Variants in CEP350 observed in about 807,000 individuals in gnomAD.
CEP350 encodes the protein centrosome-associated protein 350.
A neutral mutation model predicts 331.8 loss-of-function variants in CEP350; 126 were observed. The observed-to-expected ratio is 0.38, with a 90% CI of 0.33 to 0.44. CEP350 has a LOEUF of 0.44. CEP350 is among the 20% of genes least tolerant of loss of function. The probability of loss-of-function intolerance (pLI) is 1.00; values close to 1 mark genes in which losing one functional copy is unlikely to be tolerated. For missense variants in CEP350, 3,406 were observed against 3,634.6 expected, an observed-to-expected ratio of 0.94 and a Z score of 1.62; for synonymous variants, 1,200 against 1,259.5, an observed-to-expected ratio of 0.95 and a Z score of 1.00.
intron 17 of CEP350, among the ~76,000 whole-genome samples, chr1:180,037,860 A>G (rs1361994059): frequency 1.3e-5 from 2 of 152,130 alleles, no homozygotes; most frequent in Non-Finnish European, 2.9e-5. Flanking sequence ...CATGTTAGCC[A>G]GGATGGTCTC....
chr1:180,081,135 T>G (rs1275561409), intron 30 of CEP350, among the ~76,000 whole-genome samples: 2 of 152,326 alleles, frequency 1.3e-5, no homozygotes, highest in South Asian at 2.1e-4. Context: ...CCCAAAGTGC[T>G]GGGATTACAG....
rs138106522 is a variant in CEP350 at position 180,040,474 on chromosome 1, G to T, written c.4111-664G>T. ...TTCTAATTAAAAAAAAAATAGAGGT[G>T]GGGGGGTCTCACTCTGTTGACCAGG... On this transcript the variant is annotated intron_variant, in intron 17 of 37. Coordinates refer to ENST00000367607, the MANE Select transcript of CEP350 (RefSeq NM_014810.5). Among the ~76,000 whole-genome samples, 684 of 151,562 alleles carry T rather than the reference G, an allele frequency of 4.5e-3. 6 individuals are homozygous for T. The highest frequency in any genetic ancestry group is 0.016 in the African/African-American group (645 of 41,272).
chr1:180,091,937 A>G (rs967228766), intron 33 of CEP350, among the ~76,000 whole-genome samples: 18 of 151,968 alleles, frequency 1.2e-4, no homozygotes, highest in African/African-American at 4.3e-4. Flanking sequence ...CTATAATCCC[A>G]GGTACTTAGG....
Position 179,965,755 on chromosome 1 carries a change from G to A in CEP350, c.-14+10613G>A, listed in dbSNP as rs367649633. Among the ~76,000 whole-genome samples the A allele has an allele frequency of 1.2e-3, 183 of 151,274 alleles. 4 individuals are homozygous for A. In the South Asian group the frequency reaches 0.036, roughly 30 times the overall value. On this transcript the variant is annotated intron_variant, in intron 1 of 37. Transcript: ENST00000367607. ...CCTGTCTCAGCCTATTGAATAGCTGGGATTACAGGTGCCCGCCACCACACC... is the reference window on the plus strand; with the variant it reads ...CCTGTCTCAGCCTATTGAATAGCTGAGATTACAGGTGCCCGCCACCACACC...
intron 27 of CEP350, among the ~76,000 whole-genome samples, chr1:180,071,149 A>G (rs1658860633): frequency 6.9e-6 from 1 of 145,532 alleles, no homozygotes; most frequent in Non-Finnish European, 1.5e-5. Flanking sequence ...TCCATCTCAA[A>G]AAAAAAAAAA....
chr1:180,031,452 A>T lies in CEP350; in HGVS notation c.3683A>T (p.Asp1228Val). The T allele has an allele frequency of 6.3e-7, 1 of 1,588,188 alleles. No homozygotes were observed. Among genetic ancestry groups the T allele is most frequent in the Non-Finnish European group, 8.6e-7 (1 of 1,165,922 alleles). The change falls in exon 15 of 38, where the codon GAT (aspartate) becomes GTT (valine). Residue 1228 changes from aspartate (D) to valine (V), a missense_variant. Asp to Val is a radical substitution (Grantham distance 152). Around this residue, in one of 5 missense-constraint regions of CEP350, gnomAD observed 1,857 missense variants for 1,909.2 expected, o/e 0.97. Transcript: ENST00000367607. ...GTTAAAGATTTTGAGCAGACTCTTG[A>T]TACAGATAGCACTTTGGAGGATCTT... ...LSVKDFEQTL[D>V]TDSTLEDLSG...
intron 24 of CEP350, among the ~76,000 whole-genome samples, 197 bp from the exon 25 acceptor site, chr1:180,054,218 A>G (rs1657680120): frequency 6.6e-6 from 1 of 152,226 alleles, no homozygotes; most frequent in Admixed American, 6.5e-5. Context: ...TCCAGAGGAC[A>G]CATTCTAGGG....
rs1257924325 is a variant in CEP350, at chr1:180,065,175, T to G, written c.5470T>G (p.Leu1824Val). ...GGCAACCAGTCCTGGTCCAACTGAC[T>G]TGGAGACCCGCAGTCCTTCTCCCAT... is the stretch of plus-strand genomic sequence containing the variant. ...NKATSPGPTD[L>V]ETRSPSPISI... Residue 1824 changes from leucine (L) to valine (V), a missense_variant, in exon 27 of 38, where the codon TTG becomes GTG. Leu to Val is a conservative substitution (Grantham distance 32). This residue lies in a region of CEP350 where 1,415 missense variants were observed against 1,512.3 expected (regional missense o/e 0.94). Coordinates refer to ENST00000367607, the MANE Select transcript of CEP350 (RefSeq NM_014810.5). The G allele has an allele frequency of 6.2e-7, 1 of 1,613,746 alleles. No homozygotes were observed. The highest frequency in any genetic ancestry group is 1.1e-5 in the South Asian group (1 of 91,036).
chr1:180,009,491 G>A (rs1375490979), intron 8 of CEP350, among the ~76,000 whole-genome samples: 1 of 152,170 alleles, frequency 6.6e-6, no homozygotes, highest in Non-Finnish European at 1.5e-5. Context: ...GAGCTAGATA[G>A]AGAGTCATTA....
At chr1:180,030,930 A>G (rs1432202536) in intron 14 of CEP350, among the ~76,000 whole-genome samples, 1 of 152,124 alleles carries the variant, frequency 6.6e-6, no homozygotes, top group African/African-American at 2.4e-5. Flanking sequence ...CTTTTTCAAA[A>G]GAATTATGTA....
intron 15 of CEP350, among the ~76,000 whole-genome samples, chr1:180,031,895 ACC>A (rs1255664856): frequency 3.9e-5 from 6 of 152,098 alleles, no homozygotes; most frequent in African/African-American, 1.4e-4. Flanking sequence ...TCACTGGGCT[ACC>A]ACAAACTATC....
At chr1:179,993,876 T>C (rs1653277939) in intron 5 of CEP350, among the ~76,000 whole-genome samples, 1 of 152,168 alleles carries the variant, frequency 6.6e-6, no homozygotes, top group Admixed American at 6.5e-5. Context: ...ACCAGATCTG[T>C]TTCTACCCCA....
At chr1:180,084,339 A>G in intron 31 of CEP350, 161 bp downstream of exon 31, 2 of 538,628 alleles carry the variant, frequency 3.7e-6, no homozygotes, top group Non-Finnish European at 6.1e-6. Context: ...ATCCAAGGAC[A>G]TTCTTGCTTA....
chr1:180,014,048 TTGA>T lies in CEP350; in HGVS notation c.1599_1601del (p.Asp534del). On this transcript the variant is annotated inframe_deletion, in exon 10 of 38. Transcript: ENST00000367607. ...TTACCTATTGAAATTCGTGGCATTC[TTGA>T]TGACCTACAGCTGGATTCTACAGCT... 6.2e-7 allele frequency: 1 copy of T among 1,612,730 alleles called. No individual in the cohort carries two copies. Among genetic ancestry groups the T allele is most frequent in the East Asian group, 2.2e-5 (1 of 44,870 alleles).
At position 180,084,421 on chromosome 1, in the gene CEP350, G is replaced by A. The variant is rs193100874; in HGVS notation, c.6285+243G>A. ...GCTCTGTCGCCTAGGCTGGAGTGCA[G>A]TGGCGCGATCTCTGCTCACTGCAAG... On this transcript the variant is annotated intron_variant, in intron 31 of 37. Transcript: ENST00000367607. The A allele has an allele frequency of 2.6e-4, 69 of 262,786 alleles. No homozygotes were observed. The East Asian group carries it at 5.3e-3, about 20-fold the overall frequency. The allele number at this position is 262,786 out of a possible 1,614,324, so 16.3% of individuals were successfully genotyped here.
At chr1:180,022,034 A>G (rs1194662554) in intron 12 of CEP350, among the ~76,000 whole-genome samples, 1 of 152,122 alleles carries the variant, frequency 6.6e-6, no homozygotes, top group Non-Finnish European at 1.5e-5. Context: ...CCCTCTATAT[A>G]GTGAATGGAT....
At chr1:180,075,662 A>C (rs1659175395) in intron 28 of CEP350, among the ~76,000 whole-genome samples, 1 of 152,024 alleles carries the variant, frequency 6.6e-6, no homozygotes, top group African/African-American at 2.4e-5. Flanking sequence ...AATTAGAAAA[A>C]AAAAAATTGT....
chr1:180,106,099 G>T (rs775174306), intron 37 of CEP350, among the ~76,000 whole-genome samples: 1 of 152,158 alleles, frequency 6.6e-6, no homozygotes, highest in East Asian at 1.9e-4. Context: ...AGATGCTGTG[G>T]AATGAGTAGC....
Position 180,037,025 on chromosome 1 carries a change from T to A in CEP350, c.4046T>A (p.Val1349Glu). Residue 1349 changes from valine to glutamate, a missense_variant, in exon 17 of 38, where the codon GTA becomes GAA. By Grantham distance (121) the Val-to-Glu change is moderately radical. Around this residue, in one of 5 missense-constraint regions of CEP350, gnomAD observed 1,857 missense variants for 1,909.2 expected, o/e 0.97. Coordinates refer to ENST00000367607, the MANE Select transcript of CEP350 (RefSeq NM_014810.5). ...GAGTCGGTGCGCCAACTGTCAGATG[T>A]AGAAAGAGTTAGAGGCATTTCACTT... ...IEESVRQLSD[V>E]ERVRGISLAQ... 1 of 1,604,536 alleles carries A rather than the reference T, an allele frequency of 6.2e-7. No individual in the cohort carries two copies. The highest frequency in any genetic ancestry group is 1.3e-5 in the African/African-American group (1 of 74,940).
Sources: allele counts gnomAD v4.1 joint callset (sites outside exome capture counted in the v4.1 genomes callset), GRCh38; gene constraint gnomAD v4.1.1; regional missense constraint gnomAD v4.1.1; transcripts MANE v1.5; gene names NCBI Gene and HGNC (gene_info 2026-07-23, HGNC 2026-07-21).